FCHSD2: variants seen among roughly 807,000 people sequenced by gnomAD.
FCHSD2 encodes F-BAR and double SH3 domains protein 2.
A neutral mutation model predicts 108.1 loss-of-function variants in FCHSD2; 38 were observed. That is an observed-to-expected ratio of 0.35 (90% confidence interval 0.27 to 0.46). FCHSD2 has a LOEUF of 0.46. Among genes scored for constraint, FCHSD2 ranks in the 20% least tolerant of loss-of-function variants. The probability of loss-of-function intolerance (pLI) is 1.00; values close to 1 mark genes in which losing one functional copy is unlikely to be tolerated. For missense variants in FCHSD2, 751 were observed against 897.8 expected (o/e 0.84, Z 2.09); for synonymous variants, 279 against 314.7 (o/e 0.89, Z 1.20).
chr11:73,107,434 C>T (rs1264707713), intron 2 of FCHSD2, among the ~76,000 whole-genome samples: 9 of 152,148 alleles, frequency 5.9e-5, no homozygotes, highest in East Asian at 1.9e-4. Context: ...GCATGCAATG[C>T]GTAATAATCA....
chr11:72,841,708 C>T (rs1860958378), intron 17 of FCHSD2, 125 bp from the exon 18 acceptor site: 4 of 1,036,822 alleles, frequency 3.9e-6, no homozygotes, highest in Admixed American at 6.4e-5. Context: ...AACTTGTCAA[C>T]CTCATTAGAG....
At chr11:73,019,260 G>A (rs997512655) in intron 3 of FCHSD2, among the ~76,000 whole-genome samples, 2 of 152,094 alleles carry the variant, frequency 1.3e-5, no homozygotes, top group African/African-American at 4.8e-5. Flanking sequence ...AGGAACAAAT[G>A]AACTTAAGCA....
intron 2 of FCHSD2, among the ~76,000 whole-genome samples, chr11:73,122,280 C>A (rs1380570092): frequency 2.6e-5 from 4 of 152,094 alleles, no homozygotes; most frequent in Admixed American, 2.6e-4. Context: ...CTGACTCCAA[C>A]CTCTTACAAG....
chr11:72,915,598 C>T (rs1855856259), intron 9 of FCHSD2, among the ~76,000 whole-genome samples: 1 of 152,046 alleles, frequency 6.6e-6, no homozygotes. Context: ...GTGGGTGGAT[C>T]ACCTGAGGTC....
intron 8 of FCHSD2, among the ~76,000 whole-genome samples, chr11:72,933,416 A>C (rs937897720): frequency 2.6e-5 from 4 of 152,226 alleles, no homozygotes; most frequent in African/African-American, 9.6e-5. Context: ...GGACAGGGAC[A>C]GTGTCCTTGA....
intron 9 of FCHSD2, among the ~76,000 whole-genome samples, chr11:72,907,984 T>C (rs1855671153): frequency 6.6e-6 from 1 of 152,208 alleles, no homozygotes; most frequent in African/African-American, 2.4e-5. Flanking sequence ...TCTATCTAAC[T>C]ATATTTTTTA....
At chr11:73,110,210 G>C (rs947945142) in intron 2 of FCHSD2, among the ~76,000 whole-genome samples, 2 of 151,808 alleles carry the variant, frequency 1.3e-5, no homozygotes, top group Non-Finnish European at 2.9e-5. Flanking sequence ...CTCACAGAAT[G>C]AGTTTAGGAA....
At chr11:73,000,014 AAT>A (rs1857596066) in intron 5 of FCHSD2, among the ~76,000 whole-genome samples, 1 of 152,192 alleles carries the variant, frequency 6.6e-6, no homozygotes, top group Admixed American at 6.5e-5. Context: ...TTCTTATACA[AAT>A]ATGTTTAACT....
chr11:72,993,897 T>TA (rs1174048264), intron 5 of FCHSD2, among the ~76,000 whole-genome samples: 3 of 152,132 alleles, frequency 2.0e-5, no homozygotes, highest in Admixed American at 2.0e-4. Context: ...CCCTAAAACT[T>TA]AAAGTATAAT....
intron 2 of FCHSD2, among the ~76,000 whole-genome samples, chr11:73,092,994 G>A (rs1009379438): frequency 2.0e-5 from 3 of 152,166 alleles, no homozygotes; most frequent in Non-Finnish European, 4.4e-5. Flanking sequence ...GTGGGATGAT[G>A]AGCCTTGGGT....
At chr11:73,132,604 C>CTTGAGCCCAGGAGT (rs1410655418) in intron 2 of FCHSD2, among the ~76,000 whole-genome samples, 6 of 152,082 alleles carry the variant, frequency 3.9e-5, no homozygotes, top group Non-Finnish European at 8.8e-5. Context: ...AGGTGGATTG[C>CTTGAGCCCAGGAGT]TTGAGCCCAG....
intron 5 of FCHSD2, among the ~76,000 whole-genome samples, chr11:72,992,865 A>G (rs1179371816): frequency 1.3e-5 from 2 of 152,234 alleles, no homozygotes; most frequent in Non-Finnish European, 2.9e-5. Context: ...CTTCATGTCT[A>G]AAACACGAAA....
chr11:72,934,932 T>C (rs1056456329), intron 8 of FCHSD2, among the ~76,000 whole-genome samples: 1 of 152,170 alleles, frequency 6.6e-6, no homozygotes. Context: ...TTTTAAACAA[T>C]TGAATTTGAA....
At chr11:73,090,395 T>G (rs904253216) in intron 2 of FCHSD2, among the ~76,000 whole-genome samples, 3 of 151,878 alleles carry the variant, frequency 2.0e-5, no homozygotes, top group African/African-American at 7.3e-5. Flanking sequence ...CCAGCTAATT[T>G]TTTGTATTTT....
At chr11:73,011,044 G>C (rs934177645) in intron 4 of FCHSD2, among the ~76,000 whole-genome samples, 1 of 152,160 alleles carries the variant, frequency 6.6e-6, no homozygotes, top group African/African-American at 2.4e-5. Context: ...AGCTGTGATT[G>C]TAGTGGCAGG....
At chr11:72,903,297 A>G (rs1195420942) in intron 9 of FCHSD2, among the ~76,000 whole-genome samples, 1 of 151,976 alleles carries the variant, frequency 6.6e-6, no homozygotes, top group Non-Finnish European at 1.5e-5. Context: ...GCTCACTGCA[A>G]GCTCCGCCTC....
intron 4 of FCHSD2, among the ~76,000 whole-genome samples, chr11:73,008,165 C>T (rs1211395709): frequency 6.6e-6 from 1 of 151,790 alleles, no homozygotes; most frequent in African/African-American, 2.4e-5. Flanking sequence ...ATAGTAAAAC[C>T]CCATCTCTAC....
chr11:73,074,615 A>C (rs1859508150), intron 3 of FCHSD2, among the ~76,000 whole-genome samples: 1 of 152,234 alleles, frequency 6.6e-6, no homozygotes, highest in Non-Finnish European at 1.5e-5. Context: ...ATATTTCCTT[A>C]AAATTAAAAA....
At chr11:72,918,167 G>A (rs542294380) in intron 9 of FCHSD2, among the ~76,000 whole-genome samples, 70 of 152,078 alleles carry the variant, frequency 4.6e-4, no homozygotes, top group Admixed American at 1.9e-3. Context: ...ATTGTAGTTG[G>A]AATTATTTTC....
Sources: gnomAD v4.1 joint callset for allele counts (sites outside exome capture counted in the v4.1 genomes callset) on GRCh38, gnomAD v4.1.1 for gene constraint, MANE v1.5 for transcripts, NCBI Gene and HGNC (gene_info 2026-07-23, HGNC 2026-07-21) for gene names.